The following CSMD1 variants were observed in gnomAD, a reference collection of about 807,000 sequenced individuals.
CSMD1 encodes CUB and Sushi multiple domains 1.
A neutral mutation model predicts 417.5 loss-of-function variants in CSMD1; 213 were observed. That is an observed-to-expected ratio of 0.51 (90% CI 0.46 to 0.57). The LOEUF (loss-of-function observed/expected upper bound fraction) is 0.57. CSMD1 is among the 20% of genes least tolerant of loss of function. The pLI is 0.00. For synonymous variants in CSMD1, 2,862 were observed against 1,736.8 expected, an observed-to-expected ratio of 1.65 and a Z score of -16.11; for missense variants, 6,923 against 4,529.7, an observed-to-expected ratio of 1.53 and a Z score of -15.17.
intron 5 of CSMD1, among the ~76,000 whole-genome samples, chr8:3,878,810 C>T (rs540984803): frequency 2.6e-5 from 4 of 152,264 alleles, no homozygotes; most frequent in African/African-American, 9.6e-5. Context: ...ACGACGACCA[C>T]AAATCCAGCT....
intron 5 of CSMD1, among the ~76,000 whole-genome samples, chr8:3,894,102 C>T (rs900601619): frequency 2.6e-5 from 4 of 152,186 alleles, no homozygotes; most frequent in African/African-American, 4.8e-5. Flanking sequence ...TCACGGTGTT[C>T]CGTCTATTCT....
At chr8:3,195,531 C>T (rs898505) in intron 33 of CSMD1, among the ~76,000 whole-genome samples, 99,760 of 152,040 alleles carry the variant, frequency 0.66, 34,089 homozygotes, top group Non-Finnish European at 0.76. Flanking sequence ...TCGGCTTTTG[C>T]ATTGCGTCTA....
rs559610441 is a variant in CSMD1, at chr8:3,554,722, C to T, written c.1344+20223G>A. On this transcript the variant is annotated intron_variant, in intron 10 of 69. Coordinates refer to ENST00000635120, the MANE Select transcript of CSMD1 (RefSeq NM_033225.6). ...GCTTTGTTAATCAGAATGTTGAGAG[C>T]TTCAGAACTTCCACAGAGGGTCAAT... Among the ~76,000 whole-genome samples the T allele has an allele frequency of 9.5e-4, 145 of 152,288 alleles. 1 individual carries two copies. Among genetic ancestry groups the T allele is most frequent in the African/African-American group, 3.4e-3 (142 of 41,564 alleles).
intron 11 of CSMD1, among the ~76,000 whole-genome samples, chr8:3,481,796 G>A (rs1056252046): frequency 6.6e-6 from 1 of 152,158 alleles, no homozygotes; most frequent in Non-Finnish European, 1.5e-5. Context: ...AGAAAGGGAT[G>A]AATTCTTCCC....
At chr8:4,602,828 T>C (rs761543691) in intron 2 of CSMD1, among the ~76,000 whole-genome samples, 83 of 152,132 alleles carry the variant, frequency 5.5e-4, no homozygotes, top group Non-Finnish European at 9.3e-4. Context: ...GCTGACTTTA[T>C]CCTGTATTAA....
chr8:3,491,414 C>G (rs1818372545), intron 11 of CSMD1, among the ~76,000 whole-genome samples: 2 of 152,144 alleles, frequency 1.3e-5, no homozygotes, highest in South Asian at 4.1e-4. Flanking sequence ...ATGCATTTAA[C>G]ACAGTGCATG....
At chr8:3,831,467 C>T (rs961800235) in intron 5 of CSMD1, among the ~76,000 whole-genome samples, 1 of 152,082 alleles carries the variant, frequency 6.6e-6, no homozygotes, top group Non-Finnish European at 1.5e-5. Context: ...TCCTTATAAA[C>T]ATGATATTGA....
chr8:2,947,185 T>C (rs1351842004), intron 68 of CSMD1, among the ~76,000 whole-genome samples: 1 of 152,196 alleles, frequency 6.6e-6, no homozygotes, highest in African/African-American at 2.4e-5. Flanking sequence ...TAGGGTTGAG[T>C]CATTCAATCC....
chr8:4,764,885 A>AAAAACAAAAC (rs1812348247), intron 1 of CSMD1, among the ~76,000 whole-genome samples: 1 of 74,810 alleles, frequency 1.3e-5, no homozygotes, highest in African/African-American at 8.2e-5. Context: ...AAAAAAAAAA[A>AAAAACAAAAC]AAAAAAAAAC....
intron 2 of CSMD1, among the ~76,000 whole-genome samples, chr8:4,617,841 G>T (rs760219386): frequency 6.6e-6 from 1 of 152,084 alleles, no homozygotes; most frequent in Non-Finnish European, 1.5e-5. Flanking sequence ...TTCATTGGAA[G>T]AGACCAAGAA....
intron 3 of CSMD1, among the ~76,000 whole-genome samples, chr8:4,380,630 G>A (rs1031405383): frequency 6.6e-6 from 1 of 152,162 alleles, no homozygotes; most frequent in Non-Finnish European, 1.5e-5. Context: ...ACGGACTGTA[G>A]TCATTAAAGT....
chr8:3,879,262 A>G (rs567344397), intron 5 of CSMD1, among the ~76,000 whole-genome samples: 1 of 152,180 alleles, frequency 6.6e-6, no homozygotes, highest in Admixed American at 6.6e-5. Flanking sequence ...TATATTACAT[A>G]CTGTTCATCA....
intron 34 of CSMD1, 43 bp from the exon 35 acceptor site, chr8:3,189,054 AC>A (rs1292561989): frequency 6.3e-6 from 10 of 1,583,066 alleles, no homozygotes; most frequent in Non-Finnish European, 5.2e-6. Context: ...GTGCTGTGGG[AC>A]AGTGTTGATT....
intron 5 of CSMD1, among the ~76,000 whole-genome samples, chr8:3,796,545 T>A (rs1193294692): frequency 1.4e-5 from 2 of 144,938 alleles, no homozygotes; most frequent in Admixed American, 7.0e-5. Context: ...TATATCTATA[T>A]CCATACATGA....
At chr8:4,525,313 G>T (rs1212098775) in intron 2 of CSMD1, among the ~76,000 whole-genome samples, 1 of 152,102 alleles carries the variant, frequency 6.6e-6, no homozygotes, top group Admixed American at 6.6e-5. Flanking sequence ...ATGTGGCCAA[G>T]GCTCCCGGCA....
intron 46 of CSMD1, among the ~76,000 whole-genome samples, chr8:3,098,740 T>C (rs1228551234): frequency 6.6e-6 from 1 of 152,164 alleles, no homozygotes; most frequent in Non-Finnish European, 1.5e-5. Flanking sequence ...CCTGTGTATA[T>C]CTGTGCAGGC....
chr8:3,980,955 G>A (rs749754849), intron 5 of CSMD1, among the ~76,000 whole-genome samples: 1 of 152,134 alleles, frequency 6.6e-6, no homozygotes, highest in African/African-American at 2.4e-5. Flanking sequence ...TTCCCATAAA[G>A]AGTAGGGGCC....
intron 25 of CSMD1, among the ~76,000 whole-genome samples, chr8:3,292,961 G>T (rs1345008215): frequency 6.6e-6 from 1 of 152,056 alleles, no homozygotes; most frequent in East Asian, 1.9e-4. Context: ...GCAGTGGCTG[G>T]TACCGGTTGT....
At chr8:3,285,137 C>G (rs1289946064) in intron 25 of CSMD1, among the ~76,000 whole-genome samples, 1 of 152,080 alleles carries the variant, frequency 6.6e-6, no homozygotes, top group Non-Finnish European at 1.5e-5. Flanking sequence ...TTTTTATTTC[C>G]TGCGTATTGC....
Sources: gnomAD v4.1 joint callset for allele counts (sites outside exome capture counted in the v4.1 genomes callset) on GRCh38, gnomAD v4.1.1 for gene constraint, MANE v1.5 for transcripts, NCBI Gene and HGNC (gene_info 2026-07-23, HGNC 2026-07-21) for gene names.